CNTNAP5: variants seen among roughly 807,000 people sequenced by gnomAD.
The protein encoded by CNTNAP5 is contactin-associated protein-like 5.
A neutral mutation model predicts 150.2 loss-of-function variants in CNTNAP5; 72 were observed. That is an observed-to-expected ratio of 0.48 (90% CI 0.40 to 0.58). The LOEUF is 0.58. CNTNAP5 is among the 20% of genes least tolerant of loss of function. The pLI is 0.00. For missense variants in CNTNAP5, 1,636 were observed against 1,626.2 expected, an observed-to-expected ratio of 1.01 and a Z score of -0.10; for synonymous variants, 672 against 619.8, an observed-to-expected ratio of 1.08 and a Z score of -1.25.
At chr2:124,218,854 C>T (rs1686230118) in intron 1 of CNTNAP5, among the ~76,000 whole-genome samples, 2 of 152,104 alleles carry the variant, frequency 1.3e-5, no homozygotes, top group Admixed American at 6.6e-5. Context: ...TGAAAGTCTC[C>T]TAAATTTCCT....
At chr2:124,404,652 A>G (rs1312810307) in intron 3 of CNTNAP5, among the ~76,000 whole-genome samples, 2 of 152,194 alleles carry the variant, frequency 1.3e-5, no homozygotes, top group African/African-American at 4.8e-5. Context: ...CACTTCTGGC[A>G]TATTCTTCTG....
intron 21 of CNTNAP5, among the ~76,000 whole-genome samples, chr2:124,883,459 G>A (rs963128572): frequency 1.3e-5 from 2 of 151,952 alleles, no homozygotes; most frequent in Non-Finnish European, 2.9e-5. Flanking sequence ...CATGTGTGTG[G>A]GTAGAGTGCT....
chr2:124,368,114 C>T (rs371600616), intron 3 of CNTNAP5, among the ~76,000 whole-genome samples: 5 of 152,098 alleles, frequency 3.3e-5, no homozygotes, highest in South Asian at 4.2e-4. Flanking sequence ...GCGTTAGCCT[C>T]GTAAGCTTAG....
At chr2:124,081,997 C>A (rs1682568783) in intron 1 of CNTNAP5, among the ~76,000 whole-genome samples, 1 of 152,268 alleles carries the variant, frequency 6.6e-6, no homozygotes, top group South Asian at 2.1e-4. Flanking sequence ...CAACATCTGG[C>A]AATCACTAAA....
intron 19 of CNTNAP5, among the ~76,000 whole-genome samples, chr2:124,833,747 T>A (rs1367480295): frequency 3.3e-5 from 5 of 152,136 alleles, no homozygotes; most frequent in Non-Finnish European, 5.9e-5. Flanking sequence ...CAAGTGTAGA[T>A]CTGGTTTTAG....
At chr2:124,525,461 AT>A (rs1255209578) in intron 9 of CNTNAP5, among the ~76,000 whole-genome samples, 1 of 152,140 alleles carries the variant, frequency 6.6e-6, no homozygotes, top group Non-Finnish European at 1.5e-5. Context: ...CAGTTTCCTT[AT>A]TTTTTTCCTA....
At chr2:124,494,465 A>C (rs1477462103) in intron 7 of CNTNAP5, among the ~76,000 whole-genome samples, 1 of 152,108 alleles carries the variant, frequency 6.6e-6, no homozygotes, top group Non-Finnish European at 1.5e-5. Context: ...TGCCTGCCAA[A>C]CCTGAGGACA....
chr2:124,076,653 G>A (rs1053034509), intron 1 of CNTNAP5, among the ~76,000 whole-genome samples: 1 of 152,050 alleles, frequency 6.6e-6, no homozygotes, highest in Non-Finnish European at 1.5e-5. Flanking sequence ...TTGTCCCTTT[G>A]CATTTGTATA....
intron 1 of CNTNAP5, among the ~76,000 whole-genome samples, chr2:124,185,924 A>G (rs1685323513): frequency 6.6e-6 from 1 of 152,210 alleles, no homozygotes; most frequent in African/African-American, 2.4e-5. Flanking sequence ...GTTAATGGAT[A>G]TATTCAAATA....
chr2:124,064,090 T>G lies in CNTNAP5; in HGVS notation c.82+38358T>G, dbSNP rs142066568. ...AAAGAGGAGAAGTATGGAGAGAAAC[T>G]CAATCTCTGATGACACAATGCAGTA... is the stretch of plus-strand genomic sequence containing the variant. On this transcript the variant is annotated intron_variant, in intron 1 of 23. Transcript: ENST00000682447. Among the ~76,000 whole-genome samples the G allele has an allele frequency of 1.5e-3, 230 of 152,200 alleles. 2 individuals are homozygous for G. Among genetic ancestry groups the G allele is most frequent in the African/African-American group, 5.3e-3 (220 of 41,522 alleles).
chr2:124,526,649 T>C (rs979762472), intron 9 of CNTNAP5, among the ~76,000 whole-genome samples: 6 of 152,190 alleles, frequency 3.9e-5, no homozygotes, highest in African/African-American at 1.4e-4. Flanking sequence ...TAAAAAGGTA[T>C]AGTATTAACC....
intron 3 of CNTNAP5, among the ~76,000 whole-genome samples, chr2:124,272,988 CA>C (rs1328279554): frequency 6.6e-6 from 1 of 152,158 alleles, no homozygotes; most frequent in Admixed American, 6.6e-5. Context: ...CCCTCTTCTC[CA>C]AAGGATAGTG....
chr2:124,101,938 C>T (rs1237004194), intron 1 of CNTNAP5, among the ~76,000 whole-genome samples: 1 of 152,144 alleles, frequency 6.6e-6, no homozygotes, highest in Non-Finnish European at 1.5e-5. Context: ...GCCGTAGCCG[C>T]CTGGTGCCTG....
chr2:124,300,478 G>A (rs1376409984), intron 3 of CNTNAP5, among the ~76,000 whole-genome samples: 3 of 152,296 alleles, frequency 2.0e-5, no homozygotes, highest in East Asian at 3.9e-4. Context: ...GGAGAGGAGT[G>A]TAGTTCTAGG....
chr2:124,599,137 G>C (rs2104970799), intron 11 of CNTNAP5, among the ~76,000 whole-genome samples: 1 of 152,276 alleles, frequency 6.6e-6, no homozygotes, highest in African/African-American at 2.4e-5. Context: ...GTAGACCGGA[G>C]CTGTTCCTAT....
chr2:124,909,826 C>CATATATATATATATAT lies in CNTNAP5; in HGVS notation c.3656-1624_3656-1609dup, dbSNP rs368913883. Among the ~76,000 whole-genome samples, 651 of 74,518 alleles carry CATATATATATATATAT rather than the reference C, an allele frequency of 8.7e-3. 20 individuals are homozygous for CATATATATATATATAT. Among genetic ancestry groups the CATATATATATATATAT allele is most frequent in the Non-Finnish European group, 0.011 (433 of 40,272 alleles). 48.9% of individuals were successfully genotyped at this position (74,518 alleles called of 152,430 possible). On this transcript the variant is annotated intron_variant, in intron 22 of 23. Coordinates refer to ENST00000682447, the MANE Select transcript of CNTNAP5 (RefSeq NM_001367498.1). ...TCACCCCATCGTTATCAATTGGTGACATATATATATATATATATATATATA... is the reference window on the plus strand; with the variant it reads ...TCACCCCATCGTTATCAATTGGTGACATATATATATATATATATATATATATATATATATATATATA...
intron 19 of CNTNAP5, among the ~76,000 whole-genome samples, chr2:124,833,696 C>T (rs1682766582): frequency 6.6e-6 from 1 of 152,052 alleles, no homozygotes; most frequent in Admixed American, 6.6e-5. Flanking sequence ...CAAACTTGCT[C>T]AGAAGTTACA....
chr2:124,119,768 T>G (rs911962611), intron 1 of CNTNAP5, among the ~76,000 whole-genome samples: 1 of 152,132 alleles, frequency 6.6e-6, no homozygotes, highest in Non-Finnish European at 1.5e-5. Flanking sequence ...AGATAGACTA[T>G]GATATAACAT....
chr2:124,797,452 A>T (rs543224938), intron 18 of CNTNAP5, among the ~76,000 whole-genome samples: 27 of 152,372 alleles, frequency 1.8e-4, no homozygotes, highest in African/African-American at 5.5e-4. Flanking sequence ...AGTCTTGGCT[A>T]TATTTTGGAA....
Sources: gnomAD v4.1 joint callset for allele counts (sites outside exome capture counted in the v4.1 genomes callset) on GRCh38, gnomAD v4.1.1 for gene constraint, MANE v1.5 for transcripts, NCBI Gene and HGNC (gene_info 2026-07-23, HGNC 2026-07-21) for gene names.